USP37: variants seen among roughly 807,000 people sequenced by gnomAD.
USP37 encodes ubiquitin carboxyl-terminal hydrolase 37.
Under a neutral mutation model 124.0 loss-of-function variants are expected in USP37, and 27 were observed. The observed-to-expected ratio is 0.22, with a 90% CI of 0.16 to 0.30. USP37 has a LOEUF of 0.30. USP37 is among the 10% of genes least tolerant of loss of function. USP37 has a pLI of 1.00. For synonymous variants in USP37, 365 were observed against 388.0 expected, an observed-to-expected ratio of 0.94 and a Z score of 0.70; for missense variants, 889 against 1,140.4, an observed-to-expected ratio of 0.78 and a Z score of 3.17.
intron 1 of USP37, 143 bp from the exon 2 acceptor site, chr2:218,562,956 G>C (rs962554613): frequency 8.1e-6 from 3 of 370,372 alleles, no homozygotes; most frequent in Non-Finnish European, 1.4e-5. Context: ...CTGAGGTCAG[G>C]AGTTCGAGAC....
In USP37 at chr2:218,463,168, C is replaced by A. The variant is rs555415461; in HGVS notation, c.2527+138G>T. 9.5e-6 allele frequency: 8 copies of A among 846,046 alleles called. No individual in the cohort carries two copies. In the African/African-American group the frequency reaches 1.1e-4, roughly 11 times the overall value. The allele number at this position is 846,046 out of a possible 1,614,324, so 52.4% of individuals were successfully genotyped here. A position where few individuals can be genotyped will look rare whatever the true frequency, so the allele number is the denominator to read the frequency against. ...GGTGACAGAGTGAGAGGCTCTCCCC[C>A]ACAATAAACACACACACACACACAC... is the stretch of plus-strand genomic sequence containing the variant. On this transcript the variant is annotated intron_variant, in intron 22 of 25. Transcript: ENST00000258399.
At chr2:218,520,212 G>A (rs1301874958) in intron 10 of USP37, among the ~76,000 whole-genome samples, 1 of 151,956 alleles carries the variant, frequency 6.6e-6, no homozygotes, top group Non-Finnish European at 1.5e-5. Flanking sequence ...AAAGTACTGG[G>A]ATTATAGACA....
At chr2:218,500,620 C>T (rs1343510186) in intron 11 of USP37, 1 of 152,178 alleles carries the variant, frequency 6.6e-6, no homozygotes, top group Non-Finnish European at 1.5e-5. Flanking sequence ...AAGTGATTCA[C>T]CTGCCTCAGC....
intron 8 of USP37, among the ~76,000 whole-genome samples, chr2:218,538,431 A>G (rs1189292292): frequency 6.6e-6 from 1 of 152,216 alleles, no homozygotes; most frequent in Non-Finnish European, 1.5e-5. Context: ...GTATGTACAA[A>G]GAGTGATCTG....
At chr2:218,478,139 G>C (rs981294656) in intron 18 of USP37, among the ~76,000 whole-genome samples, 1 of 152,138 alleles carries the variant, frequency 6.6e-6, no homozygotes, top group South Asian at 2.1e-4. Context: ...GGCCAGAGTG[G>C]AAATCAGGAA....
chr2:218,490,286 A>G (rs1691858687), intron 14 of USP37, among the ~76,000 whole-genome samples: 1 of 152,200 alleles, frequency 6.6e-6, no homozygotes, highest in African/African-American at 2.4e-5. Context: ...ACTTGAAGTG[A>G]GCCGAGATCG....
intron 18 of USP37, among the ~76,000 whole-genome samples, chr2:218,479,114 T>C (rs1469746056): frequency 6.6e-6 from 1 of 152,174 alleles, no homozygotes; most frequent in Non-Finnish European, 1.5e-5. Flanking sequence ...AAAAAAGGCA[T>C]GTGCTTCCCT....
chr2:218,531,462 C>G (rs953815512), intron 9 of USP37, among the ~76,000 whole-genome samples: 1 of 152,182 alleles, frequency 6.6e-6, no homozygotes, highest in Admixed American at 6.5e-5. Flanking sequence ...GACAATGCAC[C>G]TAGTAACACA....
Position 218,476,911 on chromosome 2 carries a change from G to A in USP37, c.1972C>T (p.Arg658Cys), listed in dbSNP as rs765641661. The A allele has an allele frequency of 4.4e-5, 71 of 1,609,370 alleles. No individual in the cohort carries two copies. The highest frequency in any genetic ancestry group is 5.5e-5 in the Non-Finnish European group (65 of 1,178,184). Reference sequence around the variant, plus strand: ...AGTCTCTGGCTGAGGGCCACAGAACGTTTTAGCTCATCCTCACTGTCTGAA... The same window carrying A: ...AGTCTCTGGCTGAGGGCCACAGAACATTTTAGCTCATCCTCACTGTCTGAA... ...LDSDSEDELK[R>C]SVALSQRLCE... The change falls in exon 19 of 26, where the codon CGT becomes TGT. Residue 658 changes from arginine to cysteine, a missense_variant. By Grantham distance (180) the Arg-to-Cys change is radical (BLOSUM62 -3). Transcript: ENST00000258399.
At chr2:218,507,867 C>T (rs961397316) in intron 11 of USP37, among the ~76,000 whole-genome samples, 2 of 151,084 alleles carry the variant, frequency 1.3e-5, no homozygotes, top group Non-Finnish European at 2.9e-5. Context: ...AGCCTCTTCC[C>T]TATAACTAGT....
chr2:218,515,728 A>C (rs949789883), intron 10 of USP37, among the ~76,000 whole-genome samples: 2 of 152,238 alleles, frequency 1.3e-5, no homozygotes, highest in Non-Finnish European at 2.9e-5. Context: ...GTTTCTGCAC[A>C]GCAAAAGAAA....
chr2:218,533,821 G>T (rs906070667), intron 9 of USP37, among the ~76,000 whole-genome samples: 17 of 152,178 alleles, frequency 1.1e-4, no homozygotes, highest in Admixed American at 6.5e-4. Context: ...GTTAATACCA[G>T]ATAACGGACT....
intron 10 of USP37, among the ~76,000 whole-genome samples, chr2:218,525,614 A>C (rs778743802): frequency 1.6e-4 from 24 of 152,174 alleles, no homozygotes; most frequent in Admixed American, 2.6e-4. Flanking sequence ...CAATAGTGTT[A>C]ATGTCAATCT....
chr2:218,513,688 C>T (rs1050694813), intron 10 of USP37, among the ~76,000 whole-genome samples: 7 of 152,178 alleles, frequency 4.6e-5, no homozygotes, highest in Non-Finnish European at 8.8e-5. Context: ...TTTTACTCAG[C>T]CTAATTATTT....
At chr2:218,545,000 C>T (rs1451096283) in intron 8 of USP37, among the ~76,000 whole-genome samples, 1 of 152,108 alleles carries the variant, frequency 6.6e-6, no homozygotes, top group Non-Finnish European at 1.5e-5. Context: ...AAAGATCACT[C>T]AAAGATCCTA....
chr2:218,547,583 C>CAA (rs58787835), intron 6 of USP37, among the ~76,000 whole-genome samples: 14 of 71,558 alleles, frequency 2.0e-4, no homozygotes, highest in Non-Finnish European at 2.9e-4. Flanking sequence ...AATTACTAAC[C>CAA]AAAAAAAAAA....
At chr2:218,511,387 C>T (rs1430578842) in intron 10 of USP37, among the ~76,000 whole-genome samples, 1 of 152,188 alleles carries the variant, frequency 6.6e-6, no homozygotes, top group Non-Finnish European at 1.5e-5. Context: ...CGGCTCACTG[C>T]AACCTCCGCC....
chr2:218,510,666 G>A (rs1216851959), intron 10 of USP37, among the ~76,000 whole-genome samples: 2 of 152,136 alleles, frequency 1.3e-5, no homozygotes, highest in Middle Eastern at 3.4e-3. Context: ...ACCTTCCATC[G>A]CCTCATATGT....
At chr2:218,493,019 A>T (rs496908) in intron 14 of USP37, among the ~76,000 whole-genome samples, 93,730 of 151,464 alleles carry the variant, frequency 0.62, 29,270 homozygotes, top group East Asian at 0.78. Context: ...AAAAAAAAAA[A>T]TTTTTTTCCC....
Sources: allele counts gnomAD v4.1 joint callset (sites outside exome capture counted in the v4.1 genomes callset), GRCh38; gene constraint gnomAD v4.1.1; transcripts MANE v1.5; gene names NCBI Gene and HGNC (gene_info 2026-07-23, HGNC 2026-07-21).